Variants in POLQ observed in about 807,000 individuals in gnomAD.
POLQ encodes epididymis secretory sperm binding protein.
Under a neutral mutation model 259.2 loss-of-function variants are expected in POLQ, and 233 were observed. The observed-to-expected ratio is 0.90, with a 90% CI of 0.81 to 1.00. The LOEUF (loss-of-function observed/expected upper bound fraction) is 1.00, where lower values mean the gene tolerates loss of function less well. Among genes scored for constraint, POLQ ranks in the 50% least tolerant of loss-of-function variants. The pLI is 0.00. For missense variants in POLQ, 2,871 were observed against 3,051.6 expected (o/e 0.94, Z 1.39); for synonymous variants, 1,025 against 1,048.8 (o/e 0.98, Z 0.44).
rs751096336 is a variant in POLQ, at chr3:121,440,075, T to C, written c.7306A>G (p.Arg2436Gly). ...FMTETVKNCK[R>G]DGFVQTILGR... Reference sequence around the variant, plus strand: ...AAAATGGTCTGAACAAATCCGTCTCTTTTACAATTCTTCACTGTCTCTGTC... The same window carrying C: ...AAAATGGTCTGAACAAATCCGTCTCCTTTACAATTCTTCACTGTCTCTGTC... The change falls in exon 27 of 30, where the codon AGA (arginine) becomes GGA (glycine). Residue 2436 changes from arginine (R) to glycine (G), a missense_variant. Around this residue, in one of 3 missense-constraint regions of POLQ, gnomAD observed 2,080 missense variants for 2,126.0 expected, o/e 0.98. Coordinates refer to ENST00000264233, the MANE Select transcript of POLQ (RefSeq NM_199420.4). 3 of 1,609,262 alleles carry C rather than the reference T, an allele frequency of 1.9e-6. No individual in the cohort carries two copies. The highest frequency in any genetic ancestry group is 2.6e-6 in the Non-Finnish European group (3 of 1,175,654).
intron 7 of POLQ, among the ~76,000 whole-genome samples, chr3:121,525,796 A>G (rs2048369361): frequency 6.6e-6 from 1 of 151,970 alleles, no homozygotes; most frequent in South Asian, 2.1e-4. Context: ...GGAAGCACTC[A>G]TTTCCTTCAA....
intron 9 of POLQ, among the ~76,000 whole-genome samples, chr3:121,516,347 C>T (rs910289079): frequency 2.0e-5 from 3 of 152,148 alleles, no homozygotes; most frequent in Non-Finnish European, 4.4e-5. Context: ...AAAGAAAACA[C>T]ACACATATAA....
intron 13 of POLQ, 106 bp from the exon 14 acceptor site, chr3:121,497,038 A>G: frequency 5.5e-6 from 6 of 1,088,430 alleles, no homozygotes; most frequent in Non-Finnish European, 8.1e-6. Flanking sequence ...GAGGGCTTAT[A>G]TAATACATTG....
intron 26 of POLQ, among the ~76,000 whole-genome samples, chr3:121,448,157 G>A (rs2047646011): frequency 6.6e-6 from 1 of 151,916 alleles, no homozygotes; most frequent in African/African-American, 2.4e-5. Flanking sequence ...TAGAAGATTT[G>A]CCCTTTTGAA....
chr3:121,455,911 GC>G (rs1383568106), intron 25 of POLQ, among the ~76,000 whole-genome samples: 1 of 89,476 alleles, frequency 1.1e-5, no homozygotes, highest in Non-Finnish European at 2.4e-5. Flanking sequence ...TGATACCAAA[GC>G]CTGGCAGAGA....
chr3:121,432,960 A>G lies in POLQ; in HGVS notation c.7617T>C (p.His2539=), dbSNP rs767757235. The G allele has an allele frequency of 1.3e-5, 21 of 1,611,142 alleles. No homozygotes were observed. The highest frequency in any genetic ancestry group is 1.7e-5 in the Non-Finnish European group (20 of 1,177,326). ...CTGCCACTTCATATAGGAGTTCATC[A>G]TGGAGTTGAAGGATGAAGAAGCCTC... The part of the protein sequence containing the change: ...IRGGFFILQL[H]DELLYEVAEE... The change falls in exon 29 of 30, where the codon CAT becomes CAC. Residue 2539 remains histidine (H), a synonymous_variant. Transcript: ENST00000264233.
At chr3:121,493,378 T>G in intron 15 of POLQ, 100 bp downstream of exon 15, 1 of 871,088 alleles carries the variant, frequency 1.1e-6, no homozygotes, top group Non-Finnish European at 1.7e-6. Context: ...TATAATAAGA[T>G]TATTTAAGAG....
chr3:121,485,031 C>T lies in POLQ; in HGVS notation c.5773+10G>A, dbSNP rs895154582. The T allele has an allele frequency of 1.9e-6, 3 of 1,600,682 alleles. No homozygotes were observed. In the African/African-American group the frequency reaches 4.0e-5, roughly 22 times the overall value. On this transcript the variant is annotated intron_variant, in intron 17 of 29. Coordinates refer to ENST00000264233, the MANE Select transcript of POLQ (RefSeq NM_199420.4). ...TTACATAGTGACTTAGCCAAATACT[C>T]ATTACTTACCAGAATGCTTTTGTTC... is the stretch of plus-strand genomic sequence containing the variant.
intron 9 of POLQ, among the ~76,000 whole-genome samples, chr3:121,512,588 C>G (rs1228202922): frequency 6.6e-6 from 1 of 152,198 alleles, no homozygotes; most frequent in African/African-American, 2.4e-5. Context: ...CCAGGTTAAA[C>G]AGTTTCTCAG....
intron 24 of POLQ, among the ~76,000 whole-genome samples, chr3:121,461,360 A>T (rs1277908631): frequency 6.6e-6 from 1 of 152,208 alleles, no homozygotes; most frequent in Non-Finnish European, 1.5e-5. Flanking sequence ...TCTCTAGTAT[A>T]GAAACATTAC....
Position 121,496,855 on chromosome 3 carries a change from T to C in POLQ, c.2231A>G (p.Asn744Ser), listed in dbSNP as rs778246724. The stretch of plus-strand genomic sequence containing the variant: ...TTGCAAAGATTGAATCTGCCCACGA[T>C]TGCATCCATATTTCTGATTTATTTC... The part of the protein sequence containing the change: ...LREINQKYGC[N>S]RGQIQSLQQS... Residue 744 changes from asparagine to serine, a missense_variant, in exon 14 of 30, where the codon AAT becomes AGT. This residue lies in a region of POLQ where 783 missense variants were observed against 906.2 expected (regional missense o/e 0.86). Transcript: ENST00000264233. 14 of 1,613,910 alleles carry C rather than the reference T, an allele frequency of 8.7e-6. No homozygotes were observed. The highest frequency in any genetic ancestry group is 2.2e-5 in the East Asian group (1 of 44,870).
chr3:121,452,590 C>T (rs2047688374), intron 25 of POLQ, among the ~76,000 whole-genome samples: 1 of 151,032 alleles, frequency 6.6e-6, no homozygotes, highest in African/African-American at 2.4e-5. Flanking sequence ...CAAACAAAAA[C>T]TGGTATAGCA....
chr3:121,490,581 A>G, intron 15 of POLQ, 173 bp from the exon 16 acceptor site: 1 of 619,644 alleles, frequency 1.6e-6, no homozygotes. Flanking sequence ...GAAAATAAAC[A>G]AAAAGTTTAA....
At chr3:121,451,186 C>T (rs998099447) in intron 25 of POLQ, among the ~76,000 whole-genome samples, 12 of 152,260 alleles carry the variant, frequency 7.9e-5, no homozygotes, top group South Asian at 4.2e-4. Flanking sequence ...GTTAGCCATT[C>T]GTCTAATCTT....
intron 19 of POLQ, among the ~76,000 whole-genome samples, chr3:121,480,966 A>G (rs2047965640): frequency 6.6e-6 from 1 of 152,158 alleles, no homozygotes; most frequent in Admixed American, 6.5e-5. Flanking sequence ...CATCTCTACC[A>G]TAAGCATCCG....
At chr3:121,483,277 TA>T in intron 18 of POLQ, 108 bp downstream of exon 18, 3 of 410,030 alleles carry the variant, frequency 7.3e-6, no homozygotes, top group Admixed American at 1.7e-4. Flanking sequence ...GTGACTACTC[TA>T]AAATACTTTT....
intron 24 of POLQ, among the ~76,000 whole-genome samples, chr3:121,464,053 G>A (rs1481737336): frequency 6.6e-6 from 1 of 152,018 alleles, no homozygotes; most frequent in Non-Finnish European, 1.5e-5. Flanking sequence ...ATATTTTCTT[G>A]AAACAAAAGA....
chr3:121,514,047 G>T (rs1273187289), intron 9 of POLQ, among the ~76,000 whole-genome samples: 1 of 131,626 alleles, frequency 7.6e-6, no homozygotes, highest in African/African-American at 2.8e-5. Flanking sequence ...AAAAAAAAGA[G>T]GCCAGGCATG....
At chr3:121,456,158 A>G (rs755036339) in intron 25 of POLQ, among the ~76,000 whole-genome samples, 2 of 152,246 alleles carry the variant, frequency 1.3e-5, no homozygotes, top group Non-Finnish European at 2.9e-5. Flanking sequence ...TAGATGCAGT[A>G]AAGGCCTTTG....
Sources: gnomAD v4.1 joint callset for allele counts (sites outside exome capture counted in the v4.1 genomes callset) on GRCh38, gnomAD v4.1.1 for gene constraint, gnomAD v4.1.1 regional missense constraint, MANE v1.5 for transcripts, NCBI Gene and HGNC (gene_info 2026-07-23, HGNC 2026-07-21) for gene names.